CDH23: variants seen among roughly 807,000 people sequenced by gnomAD.
CDH23 encodes cadherin-23.
Under a neutral mutation model 317.1 loss-of-function variants are expected in CDH23, and 189 were observed. The ratio of observed to expected loss-of-function variants is 0.60; its 90% CI spans 0.53 to 0.67. The LOEUF is 0.67. Ranked by LOEUF, CDH23 falls within the 30% of genes least tolerant of loss-of-function variation. The probability of loss-of-function intolerance (pLI) is 0.00; values close to 1 mark genes in which losing one functional copy is unlikely to be tolerated. For synonymous variants in CDH23, 1,839 were observed against 1,876.8 expected (o/e 0.98, Z 0.52); for missense variants, 4,401 against 4,592.4 (o/e 0.96, Z 1.20).
chr10:71,494,651 G>T (rs1852856933), intron 3 of CDH23, among the ~76,000 whole-genome samples: 1 of 152,224 alleles, frequency 6.6e-6, no homozygotes, highest in African/African-American at 2.4e-5. Flanking sequence ...CGGGACTGCG[G>T]TGAAGCAAGC....
intron 38 of CDH23, among the ~76,000 whole-genome samples, chr10:71,776,029 T>C (rs1840809863): frequency 6.6e-6 from 1 of 152,100 alleles, no homozygotes; most frequent in Non-Finnish European, 1.5e-5. Context: ...ATTTCCCACA[T>C]TCCCAAACTC....
chr10:71,497,504 GA>G (rs11302381), intron 3 of CDH23, among the ~76,000 whole-genome samples: 87,818 of 151,088 alleles, frequency 0.58, 25,900 homozygotes, highest in Non-Finnish European at 0.62. Flanking sequence ...TTTCAGGGCA[GA>G]AAAAAAAAAT....
In CDH23 at chr10:71,799,294, C is replaced by T; in HGVS notation, c.7224+14C>T. Reference sequence around the variant, plus strand: ...CCCTCCTACCAGGTGGGTGGCCAGGCCACAGGCTGGGTCCAGGACCTGCGC... The same window carrying T: ...CCCTCCTACCAGGTGGGTGGCCAGGTCACAGGCTGGGTCCAGGACCTGCGC... On this transcript the variant is annotated intron_variant, in intron 51 of 69. Coordinates refer to ENST00000224721, the MANE Select transcript of CDH23 (RefSeq NM_022124.6). 6.2e-7 allele frequency: 1 copy of T among 1,614,016 alleles called. No homozygotes were observed. Among genetic ancestry groups the T allele is most frequent in the Non-Finnish European group, 8.5e-7 (1 of 1,179,868 alleles).
intron 28 of CDH23, chr10:71,717,803 C>T (rs1168859922): frequency 6.6e-6 from 1 of 152,120 alleles, no homozygotes; most frequent in East Asian, 1.9e-4. Context: ...ACATTCTAGA[C>T]GTTTAAATGT....
chr10:71,432,525 G>GGTGA (rs1849442965), intron 1 of CDH23, among the ~76,000 whole-genome samples: 1 of 149,928 alleles, frequency 6.7e-6, no homozygotes, highest in Admixed American at 6.7e-5. Context: ...TGAGTGTGTG[G>GGTGA]GTGAGTGTGT....
At chr10:71,657,217 C>G (rs902211902) in intron 14 of CDH23, among the ~76,000 whole-genome samples, 1 of 152,242 alleles carries the variant, frequency 6.6e-6, no homozygotes, top group African/African-American at 2.4e-5. Flanking sequence ...GGTCCTGCCT[C>G]GGCTTCCTGC....
chr10:71,403,606 T>G (rs1223263673), intron 1 of CDH23, among the ~76,000 whole-genome samples: 1 of 148,598 alleles, frequency 6.7e-6, no homozygotes, highest in Non-Finnish European at 1.5e-5. Flanking sequence ...AACCTCCGCC[T>G]CCCGGATTCA....
chr10:71,505,833 A>G (rs1198591616), intron 3 of CDH23, among the ~76,000 whole-genome samples: 1 of 152,264 alleles, frequency 6.6e-6, no homozygotes, highest in Non-Finnish European at 1.5e-5. Flanking sequence ...CAGTTCCTCA[A>G]TAATTTAAAC....
At chr10:71,790,184 C>A in intron 45 of CDH23, 104 bp from the exon 46 acceptor site, 2 of 1,472,456 alleles carry the variant, frequency 1.4e-6, no homozygotes, top group Non-Finnish European at 9.1e-7. Flanking sequence ...CACCTCCCTC[C>A]CCTCTCATCC....
chr10:71,547,732 T>C (rs1026542646), intron 6 of CDH23, among the ~76,000 whole-genome samples: 2 of 152,142 alleles, frequency 1.3e-5, no homozygotes, highest in Non-Finnish European at 2.9e-5. Context: ...CAGTGGTGGG[T>C]GCAGAGGGAA....
chr10:71,707,935 C>G (rs1284897724), intron 26 of CDH23, among the ~76,000 whole-genome samples: 1 of 152,156 alleles, frequency 6.6e-6, no homozygotes, highest in Non-Finnish European at 1.5e-5. Context: ...CCAACGTGAC[C>G]TCCCAGCCCT....
At chr10:71,693,993 C>G (rs1865279597) in intron 20 of CDH23, among the ~76,000 whole-genome samples, 154 bp from the exon 21 acceptor site, 1 of 152,188 alleles carries the variant, frequency 6.6e-6, no homozygotes, top group African/African-American at 2.4e-5. Flanking sequence ...AGCACCAGCT[C>G]AGGAACACAT....
At chr10:71,518,393 GA>G (rs1854462981) in intron 6 of CDH23, among the ~76,000 whole-genome samples, 1 of 152,218 alleles carries the variant, frequency 6.6e-6, no homozygotes. Flanking sequence ...TTGCAGGGCT[GA>G]GGCCCTGATC....
intron 11 of CDH23, among the ~76,000 whole-genome samples, chr10:71,625,099 G>A (rs954551175): frequency 3.3e-5 from 5 of 152,046 alleles, no homozygotes; most frequent in East Asian, 1.9e-4. Context: ...AGAGCCCCCC[G>A]TGAATGGGGA....
intron 11 of CDH23, among the ~76,000 whole-genome samples, chr10:71,634,679 G>A (rs141539892): frequency 5.1e-4 from 78 of 152,384 alleles, no homozygotes; most frequent in Middle Eastern, 3.4e-3. Flanking sequence ...GGAGGCTGGA[G>A]GGTAGAGCAT....
rs778855581 is a variant in CDH23 at position 71,789,056 on chromosome 10, C to T, written c.5923+14C>T. The T allele has an allele frequency of 7.5e-7, 1 of 1,337,514 alleles. No individual in the cohort carries two copies. Among genetic ancestry groups the T allele is most frequent in the African/African-American group, 1.4e-5 (1 of 69,516 alleles). 82.9% of individuals were successfully genotyped at this position (1,337,514 alleles called of 1,614,324 possible). ...ACTCTCCCGCTGGTAGGTGCTGGGC[C>T]CACCCGGGAGCTCCTGCTGTTGCCA... is the stretch of plus-strand genomic sequence containing the variant. On this transcript the variant is annotated intron_variant, in intron 45 of 69. Transcript: ENST00000224721.
At chr10:71,482,105 C>T (rs893242143) in intron 3 of CDH23, among the ~76,000 whole-genome samples, 1 of 152,178 alleles carries the variant, frequency 6.6e-6, no homozygotes, top group African/African-American at 2.4e-5. Context: ...TTCTGTGATT[C>T]GCCATCCCCA....
chr10:71,634,947 T>C (rs1171998546), intron 11 of CDH23, among the ~76,000 whole-genome samples: 1 of 152,252 alleles, frequency 6.6e-6, no homozygotes, highest in Admixed American at 6.5e-5. Flanking sequence ...CTGGGCTGAC[T>C]GCTCTAGTCC....
intron 60 of CDH23, among the ~76,000 whole-genome samples, chr10:71,809,354 T>A (rs538523943): frequency 3.9e-4 from 59 of 152,098 alleles, no homozygotes; most frequent in African/African-American, 1.3e-3. Context: ...AGATTTTGTA[T>A]TTTTAGTACA....
Sources: gnomAD v4.1 joint callset for allele counts (sites outside exome capture counted in the v4.1 genomes callset) on GRCh38, gnomAD v4.1.1 for gene constraint, MANE v1.5 for transcripts, NCBI Gene and HGNC (gene_info 2026-07-23, HGNC 2026-07-21) for gene names.